The following DNAH2 variants were observed in gnomAD, a reference collection of about 807,000 sequenced individuals.
DNAH2 encodes axonemal beta dynein heavy chain 2.
DNAH2 carries 323 observed loss-of-function variants against 523.5 expected under a neutral mutation model. The ratio of observed to expected loss-of-function variants is 0.62; its 90% confidence interval spans 0.56 to 0.68. The LOEUF is 0.68. Ranked by LOEUF, DNAH2 falls within the 30% of genes least tolerant of loss-of-function variation. The pLI is 0.00. For synonymous variants in DNAH2, 2,093 were observed against 2,177.4 expected, an observed-to-expected ratio of 0.96 and a Z score of 1.08; for missense variants, 4,907 against 5,701.5, an observed-to-expected ratio of 0.86 and a Z score of 4.49.
chr17:7,779,940 T>C (rs182524945), intron 36 of DNAH2, among the ~76,000 whole-genome samples: 4 of 152,178 alleles, frequency 2.6e-5, no homozygotes, highest in Admixed American at 2.6e-4. Context: ...AACAAGGCCA[T>C]GCAGAAAGTA....
intron 4 of DNAH2, among the ~76,000 whole-genome samples, chr17:7,732,171 G>A (rs1047733474): frequency 2.0e-5 from 3 of 149,406 alleles, no homozygotes; most frequent in South Asian, 2.1e-4. Context: ...ATGGTGGCTC[G>A]CGCTTGTAAT....
At chr17:7,793,279 C>A in intron 48 of DNAH2, 74 bp downstream of exon 48, 2 of 1,485,396 alleles carry the variant, frequency 1.3e-6, no homozygotes, top group Non-Finnish European at 1.8e-6. Context: ...TCCACTGGGG[C>A]CCCAGGCTAT....
chr17:7,820,954 G>A (rs1297520877), intron 72 of DNAH2, among the ~76,000 whole-genome samples: 2 of 152,104 alleles, frequency 1.3e-5, no homozygotes, highest in Non-Finnish European at 2.9e-5. Context: ...CAGGAGAATC[G>A]CTTGAACCTG....
Position 7,816,665 on chromosome 17 carries a change from A to T in DNAH2, c.9824A>T (p.Lys3275Met), listed in dbSNP as rs757436369. 1.2e-6 allele frequency: 2 copies of T among 1,614,230 alleles called. No homozygotes were observed. Among genetic ancestry groups the T allele is most frequent in the East Asian group, 4.5e-5 (2 of 44,882 alleles). ...LRKKSEEMEL[K>M]LERAGMLVSG... ...AAGAAGTCTGAAGAGATGGAGCTGA[A>T]GCTGGAGCGAGCTGGGATGCTCGTG... Residue 3275 changes from lysine (K) to methionine (M), a missense_variant, in exon 64 of 86, where the codon AAG becomes ATG. Physicochemically the swap from Lys to Met is moderately conservative, Grantham distance 95. Coordinates refer to ENST00000572933, the MANE Select transcript of DNAH2 (RefSeq NM_020877.5).
intron 8 of DNAH2, 90 bp from the exon 9 acceptor site, chr17:7,739,643 T>C (rs1435416761): frequency 8.4e-7 from 1 of 1,189,378 alleles, no homozygotes; most frequent in African/African-American, 1.5e-5. Context: ...CTCACAGTGA[T>C]GTTTTTAGAC....
chr17:7,741,230 CTCTCTCTCTTTCTT>C (rs1307494627), intron 11 of DNAH2, among the ~76,000 whole-genome samples: 1 of 130,256 alleles, frequency 7.7e-6, no homozygotes, highest in Non-Finnish European at 1.7e-5. Context: ...TCTTTTTTTT[CTCTCTCTCTTTCTT>C]TCTTTCTTTC....
In DNAH2 at chr17:7,817,588, C is replaced by T. The variant is rs1190232089; in HGVS notation, c.10048C>T (p.Pro3350Ser). 4 of 1,614,050 alleles carry T rather than the reference C, an allele frequency of 2.5e-6. No homozygotes were observed. The highest frequency in any genetic ancestry group is 2.2e-5 in the East Asian group (1 of 44,890). ...KIWELQVPCS[P>S]SFAIDNFLCN... is the part of the protein sequence containing the mutation. ...CTGGGAGCTTCAGGTTCCTTGCTCC[C>T]CTTCTTTCGCCATCGATAACTTCCT... is the stretch of plus-strand genomic sequence containing the variant. Residue 3350 changes from proline to serine, a missense_variant, in exon 66 of 86, where the codon CCT (proline) becomes TCT (serine). Pro to Ser is a moderately conservative substitution (Grantham distance 74). Around this residue, in one of 3 missense-constraint regions of DNAH2, gnomAD observed 1,851 missense variants for 2,139.4 expected, o/e 0.87. Transcript: ENST00000572933.
chr17:7,759,684 T>G (rs1421988856), intron 16 of DNAH2, 74 bp downstream of exon 16: 3 of 1,599,884 alleles, frequency 1.9e-6, no homozygotes, highest in African/African-American at 2.7e-5. Context: ...TTCCTAAACT[T>G]GGTCCTTGGC....
Position 7,799,247 on chromosome 17 carries a change from C to T in DNAH2, c.8699+5C>T, listed in dbSNP as rs770393865. On this transcript the variant is annotated splice_donor_5th_base_variant and intron_variant, in intron 56 of 85. Transcript: ENST00000572933. The stretch of plus-strand genomic sequence containing the variant: ...CCCCATGGGGGATCCCTTCAGGTGA[C>T]TTCTGTGACATCCTTCTCTCAGCCC... The T allele has an allele frequency of 6.2e-7, 1 of 1,613,558 alleles. No homozygotes were observed. The highest frequency in any genetic ancestry group is 1.7e-5 in the Admixed American group (1 of 60,006).
chr17:7,775,401 C>G (rs2076421683), intron 30 of DNAH2, 59 bp downstream of exon 30: 1 of 1,519,846 alleles, frequency 6.6e-7, no homozygotes, highest in Non-Finnish European at 9.0e-7. Flanking sequence ...GAAAGTTCAC[C>G]TGGGTCGGGC....
rs2076291922 is a variant in DNAH2, at chr17:7,770,712, C to T, written c.4182-41C>T. On this transcript the variant is annotated intron_variant, in intron 26 of 85. Transcript: ENST00000572933. The stretch of plus-strand genomic sequence containing the variant: ...GCTGCAGAGTGGGACCAAGGTTGGG[C>T]AGGTGGGGATGAACTATGATTTTGA... The T allele has an allele frequency of 1.9e-6, 3 of 1,613,460 alleles. No homozygotes were observed. The South Asian group carries it at 3.3e-5, about 18-fold the overall frequency.
chr17:7,787,838 T>A, intron 42 of DNAH2, 22 bp from the exon 43 acceptor site: 20 of 1,588,496 alleles, frequency 1.3e-5, no homozygotes, highest in Non-Finnish European at 1.4e-5. Context: ...AAGATGAAGT[T>A]CTGACAAACG....
chr17:7,767,774 C>T (rs1597592428), intron 22 of DNAH2, 126 bp from the exon 23 acceptor site: 1 of 1,240,506 alleles, frequency 8.1e-7, no homozygotes, highest in Non-Finnish European at 1.1e-6. Flanking sequence ...AATATGTGGA[C>T]TGAGGAGGCC....
chr17:7,723,863 C>T (rs961187167), intron 3 of DNAH2, among the ~76,000 whole-genome samples, 174 bp downstream of exon 3: 1 of 152,146 alleles, frequency 6.6e-6, no homozygotes, highest in African/African-American at 2.4e-5. Context: ...ACAAAGTCAT[C>T]TGTGCCTTCG....
rs764592403 is a variant in DNAH2, at chr17:7,794,752, C to CTT, written c.7674+413_7674+414dup. ...AGGAGAAATAATATGTTAACACTTC[C>CTT]TTTTTTTTTTTTTTTTTTTTGAGAC... On this transcript the variant is annotated intron_variant, in intron 49 of 85. Transcript: ENST00000572933. 1.0e-3 allele frequency among the ~76,000 whole-genome samples: 128 copies of CTT among 125,242 alleles called. 2 individuals carry two copies. Among genetic ancestry groups the CTT allele is most frequent in the South Asian group, 2.6e-3 (10 of 3,848 alleles). 82.2% of individuals were successfully genotyped at this position (125,242 alleles called of 152,430 possible). A position where few individuals can be genotyped will look rare whatever the true frequency, so the allele number is the denominator to read the frequency against.
intron 78 of DNAH2, 21 bp from the exon 79 acceptor site, chr17:7,830,637 T>G: frequency 6.2e-7 from 1 of 1,612,752 alleles, no homozygotes; most frequent in East Asian, 2.2e-5. Flanking sequence ...GAATGGGGGC[T>G]TGGGCTGGGA....
In DNAH2 at chr17:7,786,070, C is replaced by T. The variant is rs544314963; in HGVS notation, c.6130-54C>T. The T allele has an allele frequency of 6.3e-7, 1 of 1,586,172 alleles. No homozygotes were observed. The highest frequency in any genetic ancestry group is 1.7e-5 in the Admixed American group (1 of 59,470). ...CTGGCACCGGGGAGATTTTGAAAGCCCTTTAAAGGCCTCATCCTTTTTCTT... is the reference window on the plus strand; with the variant it reads ...CTGGCACCGGGGAGATTTTGAAAGCTCTTTAAAGGCCTCATCCTTTTTCTT... On this transcript the variant is annotated intron_variant, in intron 39 of 85. Coordinates refer to ENST00000572933, the MANE Select transcript of DNAH2 (RefSeq NM_020877.5). This position sits in a 1 kb window ranked among gnomAD's most constrained non-coding sequence, Gnocchi z 7.5.
intron 72 of DNAH2, 132 bp downstream of exon 72, chr17:7,819,540 AG>A: frequency 1.1e-6 from 1 of 874,926 alleles, no homozygotes; most frequent in Non-Finnish European, 1.8e-6. Context: ...TCCTCCTGGT[AG>A]CTCCTCACTC....
chr17:7,721,948 C>G (rs1318712041), intron 2 of DNAH2, among the ~76,000 whole-genome samples: 2 of 152,168 alleles, frequency 1.3e-5, no homozygotes, highest in African/African-American at 2.4e-5. Flanking sequence ...CCTGGAATAA[C>G]CTCAGTACTA....
Sources: allele counts gnomAD v4.1 joint callset (sites outside exome capture counted in the v4.1 genomes callset), GRCh38; gene constraint gnomAD v4.1.1; regional missense constraint gnomAD v4.1.1; non-coding constraint Gnocchi (gnomAD v3.1); transcripts MANE v1.5; gene names NCBI Gene and HGNC (gene_info 2026-07-23, HGNC 2026-07-21).